The following PARD3 variants were observed in gnomAD, a reference collection of about 807,000 sequenced individuals.
PARD3 encodes partitioning defective 3 homolog.
PARD3 carries 75 observed loss-of-function variants against 155.4 expected under a neutral mutation model. The observed-to-expected ratio is 0.48, with a 90% CI of 0.40 to 0.58. PARD3 has a LOEUF of 0.58. Ranked by LOEUF, PARD3 falls within the 20% of genes least tolerant of loss-of-function variation. The pLI is 0.00. For missense variants in PARD3, 1,642 were observed against 1,721.7 expected, an observed-to-expected ratio of 0.95 and a Z score of 0.82; for synonymous variants, 576 against 610.5, an observed-to-expected ratio of 0.94 and a Z score of 0.83.
intron 2 of PARD3, among the ~76,000 whole-genome samples, chr10:34,589,620 A>C (rs1425378065): frequency 1.4e-5 from 2 of 139,052 alleles, no homozygotes; most frequent in East Asian, 4.1e-4. Flanking sequence ...CAGCAAAACT[A>C]ATATAAGTAC....
intron 2 of PARD3, among the ~76,000 whole-genome samples, chr10:34,522,054 T>C (rs1036246274): frequency 1.3e-5 from 2 of 152,120 alleles, no homozygotes; most frequent in Admixed American, 6.5e-5. Flanking sequence ...CTGGAACCAG[T>C]GAATGTTACC....
intron 2 of PARD3, among the ~76,000 whole-genome samples, chr10:34,637,835 A>G (rs1411628690): frequency 1.3e-5 from 2 of 152,242 alleles, no homozygotes; most frequent in Admixed American, 1.3e-4. Flanking sequence ...GATCTCTTCT[A>G]CAACTTCCAT....
intron 2 of PARD3, among the ~76,000 whole-genome samples, chr10:34,611,527 A>C (rs996731151): frequency 1.4e-4 from 21 of 152,144 alleles, no homozygotes; most frequent in African/African-American, 4.8e-4. Context: ...TTTTAAATTT[A>C]ATTTCAAATA....
chr10:34,235,634 A>ATG (rs1336487009), intron 22 of PARD3, among the ~76,000 whole-genome samples: 4 of 152,112 alleles, frequency 2.6e-5, no homozygotes, highest in East Asian at 3.9e-4. Flanking sequence ...AAACAAACAA[A>ATG]TGTGTGTGTG....
At chr10:34,553,384 G>GAGAAGTTAAGGCCTTT (rs2084744006) in intron 2 of PARD3, among the ~76,000 whole-genome samples, 1 of 152,204 alleles carries the variant, frequency 6.6e-6, no homozygotes, top group Admixed American at 6.5e-5. Context: ...TTTAGATTCA[G>GAGAAGTTAAGGCCTTT]AGAAGTTAAG....
intron 22 of PARD3, among the ~76,000 whole-genome samples, chr10:34,174,084 T>C (rs1272673414): frequency 3.3e-5 from 5 of 152,192 alleles, no homozygotes; most frequent in Non-Finnish European, 5.9e-5. Context: ...GATGGACCGT[T>C]AAACCTCTGT....
chr10:34,672,547 T>C (rs1001512023), intron 2 of PARD3, among the ~76,000 whole-genome samples: 2 of 152,182 alleles, frequency 1.3e-5, no homozygotes, highest in Admixed American at 1.3e-4. Context: ...GCCCAGTGCA[T>C]TGGCTCATGC....
chr10:34,534,667 G>T (rs543711273), intron 2 of PARD3, among the ~76,000 whole-genome samples: 1 of 152,208 alleles, frequency 6.6e-6, no homozygotes, highest in Non-Finnish European at 1.5e-5. Flanking sequence ...TCCAGCGGCT[G>T]CAGAACAGTA....
At chr10:34,701,354 T>TTGTTGTTGTTGG (rs2094274714) in intron 1 of PARD3, among the ~76,000 whole-genome samples, 1 of 151,948 alleles carries the variant, frequency 6.6e-6, no homozygotes, top group Non-Finnish European at 1.5e-5. Context: ...GTTGTTGTTG[T>TTGTTGTTGTTGG]TGTTGTTGTT....
At chr10:34,237,763 C>T (rs1283777148) in intron 22 of PARD3, among the ~76,000 whole-genome samples, 1 of 152,186 alleles carries the variant, frequency 6.6e-6, no homozygotes. Flanking sequence ...AGTAGTACTT[C>T]TCCATGTACG....
intron 2 of PARD3, among the ~76,000 whole-genome samples, chr10:34,605,168 C>T (rs2090126659): frequency 1.4e-5 from 2 of 147,584 alleles, no homozygotes; most frequent in Non-Finnish European, 3.0e-5. Context: ...TCTGAAACAG[C>T]CCCAAAATGA....
chr10:34,421,017 T>TA (rs896314585), intron 5 of PARD3, among the ~76,000 whole-genome samples: 16 of 151,546 alleles, frequency 1.1e-4, no homozygotes, highest in African/African-American at 2.9e-4. Context: ...TCTCTACAAA[T>TA]AAAAAAAATC....
chr10:34,221,818 G>T (rs185525119), intron 22 of PARD3, among the ~76,000 whole-genome samples: 13 of 152,312 alleles, frequency 8.5e-5, no homozygotes, highest in Admixed American at 5.2e-4. Flanking sequence ...AAACCGCTGA[G>T]TTAGTTTTGT....
intron 1 of PARD3, among the ~76,000 whole-genome samples, chr10:34,720,753 C>T (rs958705845): frequency 4.0e-5 from 6 of 151,464 alleles, no homozygotes; most frequent in East Asian, 1.9e-4. Flanking sequence ...GCCAAGATCG[C>T]GCCATTGCAC....
intron 12 of PARD3, among the ~76,000 whole-genome samples, chr10:34,366,044 G>A (rs1157469137): frequency 1.3e-5 from 2 of 152,140 alleles, no homozygotes; most frequent in Non-Finnish European, 2.9e-5. Context: ...CAGTTGATAT[G>A]CATTATTTTT....
chr10:34,616,849 C>T (rs2091286672), intron 2 of PARD3, among the ~76,000 whole-genome samples: 1 of 146,770 alleles, frequency 6.8e-6, no homozygotes, highest in Non-Finnish European at 1.5e-5. Context: ...GTGGAAGAAA[C>T]ATATGAGCAT....
chr10:34,187,494 A>G (rs1950539223), intron 22 of PARD3, among the ~76,000 whole-genome samples: 1 of 151,788 alleles, frequency 6.6e-6, no homozygotes, highest in Admixed American at 6.6e-5. Flanking sequence ...CACAGGGGGG[A>G]AAAATCAAAC....
intron 1 of PARD3, among the ~76,000 whole-genome samples, chr10:34,728,812 T>G (rs1362720105): frequency 6.6e-6 from 1 of 152,250 alleles, no homozygotes; most frequent in Non-Finnish European, 1.5e-5. Flanking sequence ...TGTAATATTC[T>G]AGGTTTCATA....
chr10:34,560,249 C>T (rs1157782987), intron 2 of PARD3, among the ~76,000 whole-genome samples: 1 of 152,096 alleles, frequency 6.6e-6, no homozygotes, highest in Non-Finnish European at 1.5e-5. Context: ...TGTTACTTTA[C>T]TCTGAATTTT....
Sources: allele counts gnomAD v4.1 joint callset (sites outside exome capture counted in the v4.1 genomes callset), GRCh38; gene constraint gnomAD v4.1.1; transcripts MANE v1.5; gene names NCBI Gene and HGNC (gene_info 2026-07-23, HGNC 2026-07-21).